C7orf78: variants seen among roughly 807,000 people sequenced by gnomAD.
C7orf78 encodes putative uncharacterized protein C7orf78.
At chr7:12,499,154 G>A in the C7orf78 span, among the ~76,000 whole-genome samples, 1 of 152,148 alleles carries the variant, frequency 6.6e-6, no homozygotes, top group Non-Finnish European at 1.5e-5. Context: ...CAACCATAGA[G>A]ACTAGGAAGA....
At chr7:12,522,918 G>A in the C7orf78 span, 2 of 397,588 alleles carry the variant, frequency 5.0e-6, no homozygotes, top group East Asian at 7.1e-5. Flanking sequence ...AGAAAATGTT[G>A]AGTACACCAT....
the C7orf78 span, among the ~76,000 whole-genome samples, chr7:12,511,857 T>C: frequency 0.15 from 23,121 of 150,942 alleles, 2,174 homozygotes; most frequent in South Asian, 0.21. Flanking sequence ...GTTCACACCA[T>C]TCTCCTGCCT....
the C7orf78 span, among the ~76,000 whole-genome samples, chr7:12,536,576 G>A: frequency 6.6e-6 from 1 of 152,114 alleles, no homozygotes. Flanking sequence ...CATTACTTAT[G>A]CAAATTTCTG....
the C7orf78 span, among the ~76,000 whole-genome samples, chr7:12,496,138 G>C: frequency 6.6e-6 from 1 of 152,100 alleles, no homozygotes; most frequent in Non-Finnish European, 1.5e-5. Flanking sequence ...TGTTAGCCAG[G>C]ATGGTCTCGA....
chr7:12,495,496 T>C, the C7orf78 span, among the ~76,000 whole-genome samples: 1 of 152,224 alleles, frequency 6.6e-6, no homozygotes, highest in African/African-American at 2.4e-5. Flanking sequence ...TCCTCTCACC[T>C]TTCTTAAGCT....
the C7orf78 span, among the ~76,000 whole-genome samples, chr7:12,498,292 C>T: frequency 1.1e-4 from 16 of 151,820 alleles, no homozygotes; most frequent in African/African-American, 2.9e-4. Flanking sequence ...CTCTGAGCTA[C>T]GGGTGGACAT....
the C7orf78 span, chr7:12,507,090 A>G: frequency 3.2e-3 from 1,050 of 328,914 alleles, 16 homozygotes; most frequent in African/African-American, 0.023. Flanking sequence ...CAGGAGGTCA[A>G]GAGATCGAGA....
the C7orf78 span, among the ~76,000 whole-genome samples, chr7:12,531,957 C>G: frequency 3.2e-4 from 48 of 152,130 alleles, no homozygotes; most frequent in African/African-American, 1.2e-3. Context: ...ATAGAGCCCA[C>G]AGATTGATTC....
chr7:12,511,455 T>C, the C7orf78 span, among the ~76,000 whole-genome samples: 1 of 152,208 alleles, frequency 6.6e-6, no homozygotes, highest in South Asian at 2.1e-4. Flanking sequence ...CTTTGTAGAT[T>C]GCTTTGGCTA....
chr7:12,504,144 AT>A, the C7orf78 span, among the ~76,000 whole-genome samples: 2 of 152,196 alleles, frequency 1.3e-5, no homozygotes, highest in Non-Finnish European at 2.9e-5. Context: ...TATAAAGCAG[AT>A]TGCTAAGCAA....
chr7:12,539,422 C>A, the C7orf78 span, among the ~76,000 whole-genome samples: 1 of 152,178 alleles, frequency 6.6e-6, no homozygotes, highest in African/African-American at 2.4e-5. Flanking sequence ...CGAGATCCCA[C>A]CACTGCACTC....
the C7orf78 span, among the ~76,000 whole-genome samples, chr7:12,501,134 G>C: frequency 7.3e-6 from 1 of 137,682 alleles, no homozygotes; most frequent in Non-Finnish European, 1.6e-5. Context: ...ATACTGAATG[G>C]GCAAAAACTG....
chr7:12,486,051 C>T, the C7orf78 span, among the ~76,000 whole-genome samples: 1 of 152,076 alleles, frequency 6.6e-6, no homozygotes, highest in East Asian at 1.9e-4. Flanking sequence ...CTGACAATAT[C>T]AAAACTAAAT....
At chr7:12,528,990 T>C in the C7orf78 span, 1 of 398,450 alleles carries the variant, frequency 2.5e-6, no homozygotes, top group Non-Finnish European at 4.4e-6. Flanking sequence ...GCACCTGGGA[T>C]TCAAAACTAA....
chr7:12,508,734 C>T, the C7orf78 span, among the ~76,000 whole-genome samples: 4 of 152,290 alleles, frequency 2.6e-5, no homozygotes, highest in South Asian at 4.1e-4. Context: ...TATTTACAGC[C>T]ACTCCCCATT....
chr7:12,539,637 C>G, the C7orf78 span, among the ~76,000 whole-genome samples: 1 of 152,188 alleles, frequency 6.6e-6, no homozygotes, highest in Non-Finnish European at 1.5e-5. Flanking sequence ...GGGGTTTAGT[C>G]TAGGTCCTGC....
chr7:12,535,683 G>A, the C7orf78 span, among the ~76,000 whole-genome samples: 1 of 152,152 alleles, frequency 6.6e-6, no homozygotes, highest in Non-Finnish European at 1.5e-5. Context: ...AGTCCCTTCT[G>A]CCTATAAGGC....
chr7:12,487,938 T>C, the C7orf78 span, among the ~76,000 whole-genome samples: 1 of 152,168 alleles, frequency 6.6e-6, no homozygotes, highest in Admixed American at 6.5e-5. Flanking sequence ...ATTTAAAGTA[T>C]ATTCCAATTT....
At chr7:12,516,470 G>A in the C7orf78 span, among the ~76,000 whole-genome samples, 2 of 152,228 alleles carry the variant, frequency 1.3e-5, no homozygotes, top group Non-Finnish European at 2.9e-5. Context: ...TGCTGTGGGA[G>A]GCCCCACACA....
Sources: allele counts gnomAD v4.1 joint callset (sites outside exome capture counted in the v4.1 genomes callset), GRCh38; gene constraint gnomAD v4.1.1; transcripts MANE v1.5; gene names NCBI Gene and HGNC (gene_info 2026-07-23, HGNC 2026-07-21).